The following IGLON5 variants were observed in gnomAD, a reference collection of about 807,000 sequenced individuals.
IGLON5 encodes Ig-like domain-containing protein ENSP00000270642.
IGLON5 carries 16 observed loss-of-function variants against 38.2 expected under a neutral mutation model. The ratio of observed to expected loss-of-function variants is 0.42; its 90% CI spans 0.28 to 0.64. The LOEUF (loss-of-function observed/expected upper bound fraction) is 0.64, where lower values mean the gene tolerates loss of function less well. Among genes scored for constraint, IGLON5 ranks in the 30% least tolerant of loss-of-function variants. The probability of loss-of-function intolerance (pLI) is 0.23; values close to 1 mark genes in which losing one functional copy is unlikely to be tolerated. For synonymous variants in IGLON5, 207 were observed against 216.4 expected (o/e 0.96, Z 0.38); for missense variants, 366 against 483.4 (o/e 0.76, Z 2.28).
chr19:51,313,680 TTTCTTTCTTTCTTTC>T (rs760372985), intron 1 of IGLON5, among the ~76,000 whole-genome samples: 8,044 of 89,810 alleles, frequency 0.09, 367 homozygotes, highest in East Asian at 0.2. Context: ...TCTTTCTTTC[TTTCTTTCTTTCTTTC>T]TTCTTTCTTC....
At chr19:51,323,581 C>T (rs1344617511) in intron 2 of IGLON5, 81 bp from the exon 3 acceptor site, 4 of 1,244,750 alleles carry the variant, frequency 3.2e-6, no homozygotes, top group African/African-American at 1.5e-5. Context: ...CGGTGGCCTC[C>T]TTCTCCCACC....
intron 1 of IGLON5, among the ~76,000 whole-genome samples, chr19:51,317,571 G>A (rs1247958953): frequency 6.6e-6 from 1 of 152,152 alleles, no homozygotes; most frequent in African/African-American, 2.4e-5. Context: ...ATGCTTACCA[G>A]GGTGTCTGCC....
At chr19:51,313,367 C>G (rs553956450) in intron 1 of IGLON5, among the ~76,000 whole-genome samples, 1 of 152,340 alleles carries the variant, frequency 6.6e-6, no homozygotes, top group East Asian at 1.9e-4. Flanking sequence ...TTCCACCTGC[C>G]TCTGTCTCTG....
At position 51,326,776 on chromosome 19, in the gene IGLON5, C is replaced by T. The variant is rs1342974778; in HGVS notation, c.524C>T (p.Ser175Leu). Residue 175 changes from serine (S) to leucine (L), a missense_variant, in exon 5 of 8, where the codon TCG becomes TTG. Transcript: ENST00000270642. ...TWRQLRDGFTSEGEILEISDI... is the reference protein window; with the variant it reads ...TWRQLRDGFTLEGEILEISDI... ...CTTCCCCCCACAGACGGCTTCACCT[C>T]GGAGGGAGAGATCCTGGAGATCTCT... is the stretch of plus-strand genomic sequence containing the variant. The T allele has an allele frequency of 1.3e-6, 2 of 1,548,894 alleles. No individual in the cohort carries two copies. Among genetic ancestry groups the T allele is most frequent in the South Asian group, 1.2e-5 (1 of 83,952 alleles).
rs1985272434 is a variant in IGLON5, at chr19:51,328,527, CA to C, written c.923-143del. 4 of 374,998 alleles carry C rather than the reference CA, an allele frequency of 1.1e-5. No individual in the cohort carries two copies. The South Asian group carries it at 2.9e-4, about 27-fold the overall frequency. 23.2% of individuals were successfully genotyped at this position (374,998 alleles called of 1,614,324 possible). A position where few individuals can be genotyped will look rare whatever the true frequency, so the allele number is the denominator to read the frequency against. ...AAAGAAAAAAAAAAAAAAAAAGAAA[CA>C]GAGTCAGAAAAGCAGGCACACCCAA... is the stretch of plus-strand genomic sequence containing the variant. On this transcript the variant is annotated intron_variant, in intron 7 of 7. Coordinates refer to ENST00000270642, the MANE Select transcript of IGLON5 (RefSeq NM_001101372.3).
intron 4 of IGLON5, among the ~76,000 whole-genome samples, chr19:51,326,049 A>G (rs1211458145): frequency 1.3e-5 from 2 of 152,022 alleles, no homozygotes; most frequent in African/African-American, 2.4e-5. Flanking sequence ...GTGCCCATAT[A>G]TGACAGTCCA....
intron 1 of IGLON5, among the ~76,000 whole-genome samples, chr19:51,318,918 A>G (rs1055577128): frequency 8.5e-5 from 13 of 152,158 alleles, no homozygotes; most frequent in African/African-American, 2.7e-4. Context: ...CTGTAGGACA[A>G]TGGCTCTCAA....
Position 51,327,963 on chromosome 19 carries a change from C to A in IGLON5, c.922+77C>A, listed in dbSNP as rs983789431. On this transcript the variant is annotated intron_variant, in intron 7 of 7. Coordinates refer to ENST00000270642, the MANE Select transcript of IGLON5 (RefSeq NM_001101372.3). The surrounding 1 kb of genome is among the most constrained non-coding windows in gnomAD (Gnocchi z 7.1). ...GGCTAGGGAAGTGGAGACGCCGGGA[C>A]CGCCCTTCAGGCTGGCCCTGAACTT... 1 of 1,399,502 alleles carries A rather than the reference C, an allele frequency of 7.1e-7. No homozygotes were observed. 86.7% of individuals were successfully genotyped at this position (1,399,502 alleles called of 1,614,324 possible).
chr19:51,327,312 C>T lies in IGLON5; in HGVS notation c.767+112C>T, dbSNP rs1262481073. On this transcript the variant is annotated intron_variant, in intron 6 of 7. Coordinates refer to ENST00000270642, the MANE Select transcript of IGLON5 (RefSeq NM_001101372.3). This position sits in a 1 kb window ranked among gnomAD's most constrained non-coding sequence, Gnocchi z 7.1. ...GGGGGAAGGCAGCAGAGCTCTGGGTCCCGAACCTGGGGCGTCCAGCTTCTA... is the reference window on the plus strand; with the variant it reads ...GGGGGAAGGCAGCAGAGCTCTGGGTTCCGAACCTGGGGCGTCCAGCTTCTA... The T allele has an allele frequency of 4.9e-6, 7 of 1,438,262 alleles. No individual in the cohort carries two copies. The highest frequency in any genetic ancestry group is 6.6e-6 in the Non-Finnish European group (7 of 1,067,604). The allele number at this position is 1,438,262 out of a possible 1,614,324, so 89.1% of individuals were successfully genotyped here.
chr19:51,315,963 G>A (rs920670025), intron 1 of IGLON5, among the ~76,000 whole-genome samples: 3 of 151,882 alleles, frequency 2.0e-5, no homozygotes, highest in Admixed American at 6.6e-5. Context: ...CAAAGTGCTG[G>A]GATTACAGGC....
At chr19:51,316,558 A>G (rs1198106311) in intron 1 of IGLON5, among the ~76,000 whole-genome samples, 1 of 148,792 alleles carries the variant, frequency 6.7e-6, no homozygotes, top group Admixed American at 6.7e-5. Context: ...CAGTGGCACA[A>G]TCTCGGCTCA....
chr19:51,312,048 CGCCGGGGTCTGGGCCCGGGGGT>C (rs1428778237), intron 1 of IGLON5, 122 bp downstream of exon 1: 5 of 463,758 alleles, frequency 1.1e-5, no homozygotes, highest in South Asian at 2.0e-4. Context: ...GGCCCCGGGA[CGCCGGGGTCTGGGCCCGGGGGT>C]GGGGTCTGCA....
chr19:51,315,702 T>C, intron 1 of IGLON5, among the ~76,000 whole-genome samples: 1 of 114,818 alleles, frequency 8.7e-6, no homozygotes, highest in South Asian at 3.8e-4. Context: ...TTTTTTTTTT[T>C]TTTTTTTTTT....
At chr19:51,328,570 G>A (rs1264129556) in intron 7 of IGLON5, 101 bp from the exon 8 acceptor site, 14 of 535,612 alleles carry the variant, frequency 2.6e-5, no homozygotes, top group East Asian at 3.4e-5. Context: ...ATCCAGAAAG[G>A]ACGCTAAAGA....
In IGLON5 at chr19:51,325,023, G is replaced by C. The variant is rs2123531497; in HGVS notation, c.392-323G>C. On this transcript the variant is annotated intron_variant, in intron 3 of 7. Coordinates refer to ENST00000270642, the MANE Select transcript of IGLON5 (RefSeq NM_001101372.3). The surrounding 1 kb of genome is among the most constrained non-coding windows in gnomAD (Gnocchi z 5.5). ...TCAGACCCCAAGATGGAGAAACCAAGTTAGGATGAAGGTGGAGAGAGAATA... is the reference window on the plus strand; with the variant it reads ...TCAGACCCCAAGATGGAGAAACCAACTTAGGATGAAGGTGGAGAGAGAATA... Among the ~76,000 whole-genome samples, 1 of 152,180 alleles carries C rather than the reference G, an allele frequency of 6.6e-6. No homozygotes were observed. Among genetic ancestry groups the C allele is most frequent in the South Asian group, 2.1e-4 (1 of 4,828 alleles).
chr19:51,325,850 T>C lies in IGLON5; in HGVS notation c.511+385T>C, dbSNP rs1226311782. Among the ~76,000 whole-genome samples, 1 of 149,618 alleles carries C rather than the reference T, an allele frequency of 6.7e-6. No individual in the cohort carries two copies. Among genetic ancestry groups the C allele is most frequent in the Admixed American group, 6.6e-5 (1 of 15,120 alleles). On this transcript the variant is annotated intron_variant, in intron 4 of 7. Transcript: ENST00000270642. The surrounding 1 kb of genome is among the most constrained non-coding windows in gnomAD (Gnocchi z 5.5). ...TCCTGCGTACATCTCTGCCTCTCTCTTCTGCTGGACGCTCTAGCCCAGCGG... is the reference window on the plus strand; with the variant it reads ...TCCTGCGTACATCTCTGCCTCTCTCCTCTGCTGGACGCTCTAGCCCAGCGG...
chr19:51,326,638 CATTG>C, intron 4 of IGLON5, 122 bp from the exon 5 acceptor site: 2 of 438,828 alleles, frequency 4.6e-6, no homozygotes, highest in Non-Finnish European at 8.2e-6. Flanking sequence ...ACCCCACCCC[CATTG>C]ACCCGGGCAC....
At chr19:51,322,795 C>T (rs12462100) in intron 2 of IGLON5, among the ~76,000 whole-genome samples, 34,358 of 144,108 alleles carry the variant, frequency 0.24, 4,933 homozygotes, top group East Asian at 0.53. Flanking sequence ...TGGGTCTCTG[C>T]CCCCCTCTCT....
intron 1 of IGLON5, among the ~76,000 whole-genome samples, chr19:51,313,719 C>A (rs543743276): frequency 2.9e-4 from 20 of 68,272 alleles, no homozygotes; most frequent in African/African-American, 9.6e-4. Flanking sequence ...TTTTTTCTTT[C>A]TTTTTCTTGT....
Sources: gnomAD v4.1 joint callset for allele counts (sites outside exome capture counted in the v4.1 genomes callset) on GRCh38, gnomAD v4.1.1 for gene constraint, Gnocchi (gnomAD v3.1) non-coding constraint, MANE v1.5 for transcripts, NCBI Gene and HGNC (gene_info 2026-07-23, HGNC 2026-07-21) for gene names.